Variants in GTF2IRD2B observed in about 807,000 individuals in gnomAD.
The protein encoded by GTF2IRD2B is general transcription factor II-I repeat domain-containing protein 2B.
GTF2IRD2B carries 10 observed loss-of-function variants against 55.6 expected under a neutral mutation model. That is an observed-to-expected ratio of 0.18 (90% CI 0.11 to 0.31). The LOEUF (loss-of-function observed/expected upper bound fraction) is 0.31. GTF2IRD2B is among the 10% of genes least tolerant of loss of function. The pLI, the probability that GTF2IRD2B is intolerant of heterozygous loss-of-function variation, is 1.00. For synonymous variants in GTF2IRD2B, 107 were observed against 320.5 expected (o/e 0.33, Z 7.12); for missense variants, 206 against 802.7 (o/e 0.26, Z 8.98).
At chr7:75,121,963 TTG>T in intron 4 of GTF2IRD2B, among the ~76,000 whole-genome samples, 2 of 113,872 alleles carry the variant, frequency 1.8e-5, no homozygotes, top group South Asian at 6.1e-4. Context: ...CGGGGTTTCA[TTG>T]TGTTAGCCAG....
chr7:75,101,242 C>T (rs1379904182), intron 1 of GTF2IRD2B, among the ~76,000 whole-genome samples: 2 of 146,460 alleles, frequency 1.4e-5, no homozygotes, highest in East Asian at 2.0e-4. Context: ...TATTGAGATA[C>T]AATTCATATA....
At chr7:75,120,140 A>G (rs1477515607) in intron 3 of GTF2IRD2B, among the ~76,000 whole-genome samples, 3 of 116,890 alleles carry the variant, frequency 2.6e-5, no homozygotes, top group African/African-American at 1.2e-4. Flanking sequence ...AAAAAAAAAA[A>G]GAAGAAAGAA....
chr7:75,127,546 G>A (rs1808566727), intron 8 of GTF2IRD2B, among the ~76,000 whole-genome samples: 1 of 147,620 alleles, frequency 6.8e-6, no homozygotes, highest in Non-Finnish European at 1.5e-5. Context: ...TGGGGACTAA[G>A]ATGTTATTAA....
chr7:75,113,616 G>A lies in GTF2IRD2B; in HGVS notation c.238+1081G>A, dbSNP rs1584531121. Among the ~76,000 whole-genome samples the A allele has an allele frequency of 2.0e-5, 3 of 148,708 alleles. 1 individual carries two copies. ...ACTGCACTCCAGTCTGGACCATAGA[G>A]CGAGACCCGGTCTCAAGACAAAACA... On this transcript the variant is annotated intron_variant, in intron 3 of 15. Coordinates refer to ENST00000472837, the MANE Select transcript of GTF2IRD2B (RefSeq NM_001003795.3).
chr7:75,127,491 A>AAAGAG (rs1554452597), intron 8 of GTF2IRD2B, among the ~76,000 whole-genome samples: 1 of 144,638 alleles, frequency 6.9e-6, no homozygotes, highest in African/African-American at 2.6e-5. Flanking sequence ...AAAAAAAAAA[A>AAAGAG]AGAGAGAGAG....
chr7:75,115,662 T>C (rs1363807638), intron 3 of GTF2IRD2B, among the ~76,000 whole-genome samples: 1 of 146,732 alleles, frequency 6.8e-6, no homozygotes, highest in Non-Finnish European at 1.5e-5. Context: ...CTTGAATTCC[T>C]GACCTCGTGA....
At chr7:75,102,102 A>C (rs1322598277) in intron 1 of GTF2IRD2B, among the ~76,000 whole-genome samples, 1 of 150,830 alleles carries the variant, frequency 6.6e-6, no homozygotes, top group Non-Finnish European at 1.5e-5. Context: ...TCCCGGGTTC[A>C]AGAGATTCTC....
At chr7:75,096,634 C>A (rs1370396073) in intron 1 of GTF2IRD2B, among the ~76,000 whole-genome samples, 2 of 134,136 alleles carry the variant, frequency 1.5e-5, no homozygotes, top group Non-Finnish European at 3.2e-5. Flanking sequence ...CCATGTTGGC[C>A]AGGCTGATAT....
chr7:75,121,018 T>C lies in GTF2IRD2B; in HGVS notation c.358+8T>C, dbSNP rs1808344705. The C allele has an allele frequency of 6.2e-7, 1 of 1,613,794 alleles. No individual in the cohort carries two copies. On this transcript the variant is annotated splice_region_variant and intron_variant, in intron 4 of 15. Transcript: ENST00000472837. ...ATTTCTGCTTTTGTTATGGTAACGT[T>C]CACTTTAAGCATTAATTCTATTTTT...
intron 15 of GTF2IRD2B, 151 bp from the exon 16 acceptor site, chr7:75,147,543 C>T (rs2115868499): frequency 3.3e-6 from 2 of 614,414 alleles, no homozygotes; most frequent in South Asian, 3.9e-5. Context: ...GTCAGCCGTC[C>T]CTCTGCAGGG....
intron 3 of GTF2IRD2B, among the ~76,000 whole-genome samples, chr7:75,116,640 CTTTT>C (rs782017384): frequency 8.4e-6 from 1 of 118,350 alleles, no homozygotes; most frequent in Non-Finnish European, 1.7e-5. Flanking sequence ...TTTGCCATTT[CTTTT>C]TTTTTTTTTT....
At chr7:75,105,217 C>A (rs1253392973) in intron 1 of GTF2IRD2B, among the ~76,000 whole-genome samples, 7 of 151,406 alleles carry the variant, frequency 4.6e-5, no homozygotes, top group East Asian at 1.9e-4. Flanking sequence ...AAAAAAAAAA[C>A]AACAGACCAG....
rs1224520399 is a variant in GTF2IRD2B at position 75,107,304 on chromosome 7, G to A, written c.-5-1656G>A. Among the ~76,000 whole-genome samples the A allele has an allele frequency of 2.6e-5, 4 of 152,124 alleles. No individual in the cohort carries two copies. In the South Asian group the frequency reaches 8.3e-4, roughly 31 times the overall value. On this transcript the variant is annotated intron_variant, in intron 1 of 15. Transcript: ENST00000472837. ...AAAAGGCTGGGTGCGGGCCGGGCGC[G>A]GTGGCTCACGCCTGTAATCCCAGCA...
In GTF2IRD2B at chr7:75,092,649, C is replaced by G. The variant is rs1461620303; in HGVS notation, c.-122C>G. On this transcript the variant is annotated 5_prime_UTR_variant, in exon 1 of 16. Transcript: ENST00000472837. Reference sequence around the variant, plus strand: ...GGCCTCGGCCGCCACCCACACGCCCCGAAGCGTGCTCGTCCCCCGCGCGGG... The same window carrying G: ...GGCCTCGGCCGCCACCCACACGCCCGGAAGCGTGCTCGTCCCCCGCGCGGG... The G allele has an allele frequency of 6.5e-6, 1 of 153,592 alleles. No individual in the cohort carries two copies. Among genetic ancestry groups the G allele is most frequent in the East Asian group, 1.9e-4 (1 of 5,262 alleles). 9.5% of individuals were successfully genotyped at this position (153,592 alleles called of 1,614,324 possible).
intron 1 of GTF2IRD2B, among the ~76,000 whole-genome samples, chr7:75,103,084 C>A (rs1239110392): frequency 2.0e-5 from 3 of 151,822 alleles, no homozygotes; most frequent in Non-Finnish European, 4.4e-5. Flanking sequence ...TCAAGACCGG[C>A]CTGGCCAACA....
intron 1 of GTF2IRD2B, among the ~76,000 whole-genome samples, chr7:75,100,171 G>A (rs1454360179): frequency 4.5e-5 from 5 of 111,830 alleles, no homozygotes; most frequent in Admixed American, 9.4e-5. Context: ...CAGCAGAATC[G>A]CTTGAACCCG....
intron 8 of GTF2IRD2B, among the ~76,000 whole-genome samples, chr7:75,130,453 A>G (rs1212682713): frequency 1.5e-5 from 2 of 134,670 alleles, no homozygotes; most frequent in East Asian, 2.1e-4. Context: ...TGCTAGGATT[A>G]CAGACATGAG....
intron 1 of GTF2IRD2B, among the ~76,000 whole-genome samples, chr7:75,105,694 A>G (rs1192499293): frequency 7.2e-5 from 11 of 152,424 alleles, no homozygotes; most frequent in African/African-American, 2.6e-4. Context: ...GTCTTCAAAG[A>G]ATTTTGGTAG....
chr7:75,147,016 A>G (rs2115865991), intron 15 of GTF2IRD2B: 1 of 157,512 alleles, frequency 6.3e-6, no homozygotes, highest in African/African-American at 2.4e-5. Context: ...CTGTAGTCCC[A>G]GCAACTGGGA....
Sources: gnomAD v4.1 joint callset for allele counts (sites outside exome capture counted in the v4.1 genomes callset) on GRCh38, gnomAD v4.1.1 for gene constraint, MANE v1.5 for transcripts, NCBI Gene and HGNC (gene_info 2026-07-23, HGNC 2026-07-21) for gene names.